Variants in RUNX1 observed in about 807,000 individuals in gnomAD.
RUNX1 encodes runt-related transcription factor 1.
RUNX1 carries 19 observed loss-of-function variants against 42.8 expected under a neutral mutation model. That is an observed-to-expected ratio of 0.44 (90% CI 0.31 to 0.65). RUNX1 has a LOEUF of 0.65. Among genes scored for constraint, RUNX1 ranks in the 30% least tolerant of loss-of-function variants. The pLI is 0.07. For synonymous variants in RUNX1, 271 were observed against 289.4 expected (o/e 0.94, Z 0.64); for missense variants, 528 against 672.0 (o/e 0.79, Z 2.37).
chr21:34,938,422 A>G (rs1236688436), intron 2 of RUNX1, among the ~76,000 whole-genome samples: 1 of 152,180 alleles, frequency 6.6e-6, no homozygotes, highest in African/African-American at 2.4e-5. Context: ...ACATTCTCTC[A>G]GTCTAATATC....
chr21:35,049,085 G>C, intron 1 of RUNX1, 83 bp downstream of exon 1: 1 of 513,038 alleles, frequency 1.9e-6, no homozygotes, highest in Non-Finnish European at 3.5e-6. Flanking sequence ...ATGCACCTTT[G>C]TAAAAACAAA....
chr21:34,819,272 G>C (rs1351169269), intron 7 of RUNX1, among the ~76,000 whole-genome samples: 1 of 152,204 alleles, frequency 6.6e-6, no homozygotes, highest in East Asian at 1.9e-4. Flanking sequence ...GTGGTTCTCA[G>C]ACTGCTGAGG....
In RUNX1 at chr21:34,807,305, C is replaced by A. The variant is rs1284418331; in HGVS notation, c.806-7843G>T. Among the ~76,000 whole-genome samples, 8 of 152,294 alleles carry A rather than the reference C, an allele frequency of 5.3e-5. No homozygotes were observed. In the East Asian group the frequency reaches 1.4e-3, roughly 26 times the overall value. On this transcript the variant is annotated intron_variant, in intron 7 of 8. Coordinates refer to ENST00000675419, the MANE Select transcript of RUNX1 (RefSeq NM_001754.5). ...CTAGGGTCTTTTAAACACCCACCCT[C>A]AGAAGCTGGGTTTCCAACAGCACCC... is the stretch of plus-strand genomic sequence containing the variant.
At chr21:35,034,727 A>G (rs1277796275) in intron 2 of RUNX1, among the ~76,000 whole-genome samples, 1 of 152,198 alleles carries the variant, frequency 6.6e-6, no homozygotes, top group Non-Finnish European at 1.5e-5. Context: ...GCAAATGTCA[A>G]CTGTGGCGAG....
chr21:34,990,630 T>C (rs1330632189), intron 2 of RUNX1, among the ~76,000 whole-genome samples: 1 of 151,302 alleles, frequency 6.6e-6, no homozygotes, highest in Non-Finnish European at 1.5e-5. Context: ...GGATATAATG[T>C]TGGGATATGA....
chr21:34,909,552 G>T (rs2058254212), intron 2 of RUNX1, among the ~76,000 whole-genome samples: 1 of 133,308 alleles, frequency 7.5e-6, no homozygotes. Context: ...CAAACACAGA[G>T]TATCACTTTC....
intron 7 of RUNX1, among the ~76,000 whole-genome samples, chr21:34,817,857 CAGA>C (rs2056849674): frequency 6.6e-6 from 1 of 152,194 alleles, no homozygotes; most frequent in Non-Finnish European, 1.5e-5. Context: ...AGCCTGTACC[CAGA>C]AGGACTCCTG....
At chr21:34,922,560 T>C (rs1223222543) in intron 2 of RUNX1, among the ~76,000 whole-genome samples, 2 of 151,958 alleles carry the variant, frequency 1.3e-5, no homozygotes, top group East Asian at 3.9e-4. Context: ...GGGTGAAGAG[T>C]CTTCCAGAAA....
chr21:34,803,407 C>T (rs2056635321), intron 7 of RUNX1, among the ~76,000 whole-genome samples: 1 of 151,872 alleles, frequency 6.6e-6, no homozygotes, highest in Non-Finnish European at 1.5e-5. Context: ...ATTAGCCGGG[C>T]ATGGTGGCGG....
intron 2 of RUNX1, among the ~76,000 whole-genome samples, chr21:34,930,270 G>GTATATATATATATATATA (rs1555906427): frequency 1.5e-4 from 19 of 123,014 alleles, no homozygotes; most frequent in African/African-American, 7.1e-4. Context: ...GTGTGTGTAT[G>GTATATATATATATATATA]TATATATATA....
intron 2 of RUNX1, among the ~76,000 whole-genome samples, chr21:35,020,260 CA>C (rs1026484810): frequency 2.0e-5 from 3 of 151,906 alleles, no homozygotes; most frequent in Non-Finnish European, 2.9e-5. Flanking sequence ...TGGTAATAAA[CA>C]AAAGAATGAT....
At chr21:34,824,971 T>C (rs151138257) in intron 7 of RUNX1, among the ~76,000 whole-genome samples, 15 of 152,356 alleles carry the variant, frequency 9.8e-5, no homozygotes, top group South Asian at 2.1e-4. Flanking sequence ...TGTTCTTCTC[T>C]CAATACAAAC....
intron 5 of RUNX1, among the ~76,000 whole-genome samples, chr21:34,864,241 A>T (rs2146262259): frequency 1.3e-5 from 2 of 152,336 alleles, no homozygotes; most frequent in African/African-American, 4.8e-5. Context: ...TTATGAGCCA[A>T]ATTCCCTCAT....
intron 2 of RUNX1, among the ~76,000 whole-genome samples, chr21:35,044,934 T>C (rs2059385546): frequency 1.3e-5 from 2 of 152,230 alleles, no homozygotes; most frequent in Admixed American, 6.5e-5. Context: ...TGCTACTGGT[T>C]GCTCCATGCC....
At chr21:35,042,755 T>C (rs1391205778) in intron 2 of RUNX1, among the ~76,000 whole-genome samples, 1 of 152,208 alleles carries the variant, frequency 6.6e-6, no homozygotes, top group Admixed American at 6.5e-5. Context: ...CCTGGACTGC[T>C]CACTCTGGAA....
At chr21:34,892,281 C>T (rs1246914873) in intron 3 of RUNX1, among the ~76,000 whole-genome samples, 1 of 152,152 alleles carries the variant, frequency 6.6e-6, no homozygotes, top group African/African-American at 2.4e-5. Flanking sequence ...ACACACTATC[C>T]AGTTTTGAAC....
chr21:34,922,428 G>A (rs894141842), intron 2 of RUNX1, among the ~76,000 whole-genome samples: 1 of 152,190 alleles, frequency 6.6e-6, no homozygotes, highest in Non-Finnish European at 1.5e-5. Flanking sequence ...AAGGAATTAA[G>A]GTTTGGTGAG....
intron 7 of RUNX1, among the ~76,000 whole-genome samples, chr21:34,820,452 C>T (rs552757256): frequency 4.6e-5 from 7 of 152,108 alleles, no homozygotes; most frequent in Admixed American, 6.5e-5. Context: ...GAGTTCGAGA[C>T]GAGCCTGGCC....
chr21:34,848,382 T>C (rs2268284), intron 6 of RUNX1, among the ~76,000 whole-genome samples: 25,076 of 152,202 alleles, frequency 0.16, 2,572 homozygotes, highest in East Asian at 0.49. Flanking sequence ...AACGCAGTTT[T>C]AGACTTGAAG....
Sources: allele counts gnomAD v4.1 joint callset (sites outside exome capture counted in the v4.1 genomes callset), GRCh38; gene constraint gnomAD v4.1.1; transcripts MANE v1.5; gene names NCBI Gene and HGNC (gene_info 2026-07-23, HGNC 2026-07-21).